SLC10A7: variants seen among roughly 807,000 people sequenced by gnomAD.
The protein encoded by SLC10A7 is solute carrier family 10 member 7.
In SLC10A7, 29 loss-of-function variants were observed where a neutral mutation model predicts 43.2. The ratio of observed to expected loss-of-function variants is 0.67; its 90% confidence interval spans 0.50 to 0.92. SLC10A7 has a LOEUF of 0.92. SLC10A7 is among the 40% of genes least tolerant of loss of function. The probability of loss-of-function intolerance (pLI) is 0.00; values close to 1 mark genes in which losing one functional copy is unlikely to be tolerated. For synonymous variants in SLC10A7, 152 were observed against 144.8 expected, an observed-to-expected ratio of 1.05 and a Z score of -0.35; for missense variants, 295 against 403.2, an observed-to-expected ratio of 0.73 and a Z score of 2.30.
Position 146,294,043 on chromosome 4 carries a change from C to T in SLC10A7, c.608G>A (p.Gly203Asp), listed in dbSNP as rs989092425. The change falls in exon 8 of 12, where the codon GGT (glycine) becomes GAT (aspartate). Residue 203 changes from glycine to aspartate, a missense_variant. Physicochemically the swap from Gly to Asp is moderately conservative, Grantham distance 94. This residue lies in a region of SLC10A7 where 242 missense variants were observed against 362.5 expected (regional missense o/e 0.67). Coordinates refer to ENST00000335472, the MANE Select transcript of SLC10A7 (RefSeq NM_001029998.6). Reference protein sequence around the residue: ...DWLERKKPPFGAISSSVLLMI... With the variant: ...DWLERKKPPFDAISSSVLLMI... ...GAGGAGTACACTGCTGCTGATAGCA[C>T]CAAAAGGAGGCTTCTTTCTCTCAAG... The T allele has an allele frequency of 2.5e-6, 4 of 1,611,104 alleles. No homozygotes were observed. In the South Asian group the frequency reaches 4.4e-5, roughly 18 times the overall value.
chr4:146,270,057 T>G (rs893740223), intron 10 of SLC10A7, among the ~76,000 whole-genome samples: 1 of 152,114 alleles, frequency 6.6e-6, no homozygotes, highest in African/African-American at 2.4e-5. Context: ...AATGAGGCAG[T>G]TTTGATTTGG....
At chr4:146,303,375 C>CT (rs111238580) in intron 7 of SLC10A7, among the ~76,000 whole-genome samples, 4,258 of 137,558 alleles carry the variant, frequency 0.031, 168 homozygotes, top group African/African-American at 0.1. Flanking sequence ...CTTTTTCTTT[C>CT]TTTTTTTTTT....
At chr4:146,481,216 C>G (rs77291047) in intron 4 of SLC10A7, among the ~76,000 whole-genome samples, 7,444 of 152,298 alleles carry the variant, frequency 0.049, 254 homozygotes, top group South Asian at 0.18. Flanking sequence ...GGATTCAGAG[C>G]CCTGGCTAAG....
At chr4:146,281,396 C>CAAAAAAAAA (rs774519759) in intron 10 of SLC10A7, among the ~76,000 whole-genome samples, 2 of 74,916 alleles carry the variant, frequency 2.7e-5, no homozygotes, top group African/African-American at 9.7e-5. Flanking sequence ...GAAGTAAAAT[C>CAAAAAAAAA]AAAAAAAAAA....
chr4:146,375,424 C>T (rs1737120875), intron 5 of SLC10A7, among the ~76,000 whole-genome samples: 1 of 152,100 alleles, frequency 6.6e-6, no homozygotes, highest in Non-Finnish European at 1.5e-5. Flanking sequence ...ACGCTTAACT[C>T]CCTCATGGCC....
intron 5 of SLC10A7, among the ~76,000 whole-genome samples, chr4:146,355,764 T>G (rs939778247): frequency 8.0e-5 from 12 of 149,300 alleles, no homozygotes; most frequent in African/African-American, 3.0e-4. Flanking sequence ...TTGGAAACCA[T>G]CATTCTCAGT....
chr4:146,353,503 T>C (rs1481133738), intron 5 of SLC10A7, among the ~76,000 whole-genome samples: 1 of 108,676 alleles, frequency 9.2e-6, no homozygotes, highest in Non-Finnish European at 1.8e-5. Context: ...TTCCAATCAA[T>C]AGAAAAAGAG....
At chr4:146,461,142 C>A (rs1036488524) in intron 4 of SLC10A7, among the ~76,000 whole-genome samples, 1 of 151,788 alleles carries the variant, frequency 6.6e-6, no homozygotes. Context: ...AAAAAGATAC[C>A]CTTGTTTCAC....
intron 5 of SLC10A7, among the ~76,000 whole-genome samples, chr4:146,391,450 T>C (rs1738420825): frequency 6.6e-6 from 1 of 152,182 alleles, no homozygotes; most frequent in African/African-American, 2.4e-5. Context: ...GTAAAAACAC[T>C]GCTAAAAGCA....
intron 3 of SLC10A7, among the ~76,000 whole-genome samples, chr4:146,507,239 A>G (rs1736997663): frequency 6.6e-6 from 1 of 152,120 alleles, no homozygotes; most frequent in African/African-American, 2.4e-5. Flanking sequence ...GAAACTTTGA[A>G]GTTATATGTG....
chr4:146,264,459 CCATT>C (rs139509340), intron 10 of SLC10A7, among the ~76,000 whole-genome samples: 47 of 152,104 alleles, frequency 3.1e-4, no homozygotes, highest in South Asian at 2.1e-3. Flanking sequence ...TATGTTCCTA[CCATT>C]CATTCATTCA....
intron 6 of SLC10A7, among the ~76,000 whole-genome samples, chr4:146,322,637 T>C (rs1732802707): frequency 6.6e-6 from 1 of 152,120 alleles, no homozygotes; most frequent in South Asian, 2.1e-4. Context: ...GACATTTGGG[T>C]TGGTTCCAAG....
In SLC10A7 at chr4:146,406,786, C is replaced by T. The variant is rs180857269; in HGVS notation, c.435+35997G>A. ...TCACCTAAGGTCAGGAGTTTGAGAC[C>T]GGGCTGGCCAACATGGTGAAACCCC... On this transcript the variant is annotated intron_variant, in intron 5 of 11. Transcript: ENST00000335472. 4.2e-3 allele frequency among the ~76,000 whole-genome samples: 637 copies of T among 152,188 alleles called. 3 individuals are homozygous for T. Among genetic ancestry groups the T allele is most frequent in the African/African-American group, 0.014 (577 of 41,522 alleles).
At chr4:146,375,493 T>G (rs1737125142) in intron 5 of SLC10A7, among the ~76,000 whole-genome samples, 1 of 152,182 alleles carries the variant, frequency 6.6e-6, no homozygotes, top group South Asian at 2.1e-4. Context: ...TGTACTTAAA[T>G]TGCAATTTCC....
intron 10 of SLC10A7, among the ~76,000 whole-genome samples, chr4:146,276,950 T>TA (rs113290704): frequency 0.066 from 9,541 of 144,586 alleles, 400 homozygotes; most frequent in South Asian, 0.21. Context: ...AGACTCCATC[T>TA]AAAAAAAAAA....
At chr4:146,303,379 T>C (rs1428215306) in intron 7 of SLC10A7, among the ~76,000 whole-genome samples, 10 of 150,882 alleles carry the variant, frequency 6.6e-5, no homozygotes, top group South Asian at 2.1e-4. Flanking sequence ...TTCTTTCTTT[T>C]TTTTTTTTTT....
At chr4:146,327,896 T>A (rs1304604254) in intron 5 of SLC10A7, among the ~76,000 whole-genome samples, 10 of 151,170 alleles carry the variant, frequency 6.6e-5, no homozygotes, top group Admixed American at 5.9e-4. Flanking sequence ...GTGCACATCA[T>A]CTGAGGGTCT....
chr4:146,331,410 G>A (rs921976455), intron 5 of SLC10A7, among the ~76,000 whole-genome samples: 4 of 152,150 alleles, frequency 2.6e-5, no homozygotes, highest in Non-Finnish European at 4.4e-5. Flanking sequence ...TGATGGAAAT[G>A]GTTTCTGTCT....
intron 4 of SLC10A7, among the ~76,000 whole-genome samples, chr4:146,458,825 C>A (rs1732296704): frequency 6.6e-6 from 1 of 151,796 alleles, no homozygotes; most frequent in Non-Finnish European, 1.5e-5. Context: ...CTTTAAAACT[C>A]TCTTTACTTA....
Sources: allele counts gnomAD v4.1 joint callset (sites outside exome capture counted in the v4.1 genomes callset), GRCh38; gene constraint gnomAD v4.1.1; regional missense constraint gnomAD v4.1.1; transcripts MANE v1.5; gene names NCBI Gene and HGNC (gene_info 2026-07-23, HGNC 2026-07-21).